Variants in RGS6 observed in about 807,000 individuals in gnomAD.
RGS6 encodes regulator of G-protein signaling 6.
A neutral mutation model predicts 78.5 loss-of-function variants in RGS6; 30 were observed. That is an observed-to-expected ratio of 0.38 (90% CI 0.29 to 0.52). RGS6 has a LOEUF of 0.52. Ranked by LOEUF, RGS6 falls within the 20% of genes least tolerant of loss-of-function variation. The pLI is 0.85. For missense variants in RGS6, 495 were observed against 609.7 expected, an observed-to-expected ratio of 0.81 and a Z score of 1.98; for synonymous variants, 206 against 206.0, an observed-to-expected ratio of 1.00 and a Z score of 0.00.
chr14:72,039,692 A>G (rs1464397511), intron 2 of RGS6, among the ~76,000 whole-genome samples: 1 of 152,026 alleles, frequency 6.6e-6, no homozygotes, highest in African/African-American at 2.4e-5. Context: ...CATTGAAGCA[A>G]TTACTGATTG....
the RGS6 span, among the ~76,000 whole-genome samples, chr14:71,889,266 A>G: frequency 6.6e-6 from 1 of 152,238 alleles, no homozygotes; most frequent in Non-Finnish European, 1.5e-5. Context: ...GGCAAGGCAC[A>G]GACAGAAATA....
chr14:72,372,199 T>C (rs935523726), intron 3 of RGS6, among the ~76,000 whole-genome samples: 1 of 152,238 alleles, frequency 6.6e-6, no homozygotes, highest in African/African-American at 2.4e-5. Context: ...TACAAAACTT[T>C]AAAAGCTAAA....
At chr14:72,035,280 A>G in intron 2 of RGS6, among the ~76,000 whole-genome samples, 1 of 135,136 alleles carries the variant, frequency 7.4e-6, no homozygotes, top group Non-Finnish European at 1.6e-5. Flanking sequence ...ATTTACTGGC[A>G]TATGCTTATT....
chr14:72,040,491 A>G (rs2153375851), intron 2 of RGS6, among the ~76,000 whole-genome samples: 1 of 152,106 alleles, frequency 6.6e-6, no homozygotes, highest in South Asian at 2.1e-4. Flanking sequence ...AATCCTATGG[A>G]AGATTTCATG....
intron 14 of RGS6, among the ~76,000 whole-genome samples, chr14:72,512,777 C>T (rs55916258): frequency 0.042 from 6,447 of 152,304 alleles, 458 homozygotes; most frequent in African/African-American, 0.15. Context: ...ACTCTTCAGT[C>T]ACCCATCACA....
intron 2 of RGS6, among the ~76,000 whole-genome samples, chr14:72,348,437 T>C (rs2681743): frequency 0.54 from 82,310 of 152,102 alleles, 24,548 homozygotes; most frequent in African/African-American, 0.81. Context: ...ATAGATGTTC[T>C]GAAAATACTT....
intron 3 of RGS6, among the ~76,000 whole-genome samples, chr14:72,399,507 A>G (rs1200623785): frequency 6.6e-6 from 1 of 152,130 alleles, no homozygotes; most frequent in Non-Finnish European, 1.5e-5. Context: ...GTGTCTTTTA[A>G]TTAGAGCATT....
At chr14:72,032,818 CAT>C (rs914362015) in intron 2 of RGS6, among the ~76,000 whole-genome samples, 35 of 151,954 alleles carry the variant, frequency 2.3e-4, no homozygotes, top group African/African-American at 7.7e-4. Context: ...TATTTTATTG[CAT>C]ATATATATGT....
intron 2 of RGS6, among the ~76,000 whole-genome samples, chr14:72,068,728 C>T (rs928115338): frequency 2.0e-5 from 3 of 151,642 alleles, no homozygotes; most frequent in Admixed American, 6.6e-5. Context: ...AACTCCCCAC[C>T]TGTTGATATA....
At chr14:72,548,445 T>A (rs930047520) in intron 17 of RGS6, among the ~76,000 whole-genome samples, 1 of 151,490 alleles carries the variant, frequency 6.6e-6, no homozygotes, top group African/African-American at 2.4e-5. Context: ...AAAAAAAAAA[T>A]TTCTTGGGTT....
intron 2 of RGS6, among the ~76,000 whole-genome samples, chr14:72,250,153 G>T (rs1179848888): frequency 6.6e-6 from 1 of 150,964 alleles, no homozygotes; most frequent in African/African-American, 2.4e-5. Context: ...TGATGAGTTA[G>T]TGGGTGCAGT....
chr14:72,347,856 G>T (rs8007684), intron 2 of RGS6, among the ~76,000 whole-genome samples: 21,891 of 152,198 alleles, frequency 0.14, 1,525 homozygotes, highest in East Asian at 0.18. Flanking sequence ...TCATTGTCCA[G>T]CAAGGAAGAA....
intron 3 of RGS6, among the ~76,000 whole-genome samples, chr14:72,444,957 G>A (rs1186652641): frequency 1.9e-5 from 1 of 52,836 alleles, no homozygotes. Context: ...TCAAAAAGCA[G>A]GCTCACCCTG....
At chr14:71,964,264 T>A (rs2093383461) in intron 1 of RGS6, among the ~76,000 whole-genome samples, 1 of 152,158 alleles carries the variant, frequency 6.6e-6, no homozygotes, top group South Asian at 2.1e-4. Context: ...GCCAGCAGTT[T>A]GGGAGGCTGA....
intron 2 of RGS6, among the ~76,000 whole-genome samples, chr14:72,326,500 G>A (rs747708471): frequency 2.0e-5 from 3 of 151,936 alleles, no homozygotes; most frequent in Admixed American, 6.6e-5. Flanking sequence ...CACAAGATCT[G>A]GTTGTTTAAG....
chr14:72,557,437 G>A (rs749238928), intron 17 of RGS6, among the ~76,000 whole-genome samples: 21 of 152,222 alleles, frequency 1.4e-4, no homozygotes, highest in South Asian at 2.1e-4. Flanking sequence ...GCAACCTTCC[G>A]GGAGTCACCC....
At chr14:72,050,212 G>A (rs1031811916) in intron 2 of RGS6, among the ~76,000 whole-genome samples, 3 of 152,182 alleles carry the variant, frequency 2.0e-5, no homozygotes, top group Admixed American at 6.5e-5. Flanking sequence ...GGAACTTGAC[G>A]CTTACAGCTA....
the RGS6 span, among the ~76,000 whole-genome samples, chr14:71,884,642 A>C: frequency 1.3e-4 from 20 of 152,284 alleles, no homozygotes; most frequent in African/African-American, 4.6e-4. Context: ...CTTCTAAGCC[A>C]AGACACACTT....
intron 2 of RGS6, among the ~76,000 whole-genome samples, chr14:72,339,442 G>T (rs2076588640): frequency 6.6e-6 from 1 of 152,170 alleles, no homozygotes; most frequent in Non-Finnish European, 1.5e-5. Context: ...TAGTCCAAAA[G>T]AACTAAAGAA....
Sources: gnomAD v4.1 joint callset for allele counts (sites outside exome capture counted in the v4.1 genomes callset) on GRCh38, gnomAD v4.1.1 for gene constraint, MANE v1.5 for transcripts, NCBI Gene and HGNC (gene_info 2026-07-23, HGNC 2026-07-21) for gene names.